The following CCDC148 variants were observed in gnomAD, a reference collection of about 807,000 sequenced individuals.
The protein encoded by CCDC148 is coiled-coil domain-containing protein 148.
Under a neutral mutation model 85.7 loss-of-function variants are expected in CCDC148, and 89 were observed. That is an observed-to-expected ratio of 1.04 (90% CI 0.87 to 1.24). The LOEUF is 1.24. Among genes scored for constraint, CCDC148 ranks in the 50% most tolerant of loss-of-function variants. The probability of loss-of-function intolerance (pLI) is 0.00; values close to 1 mark genes in which losing one functional copy is unlikely to be tolerated. For missense variants in CCDC148, 692 were observed against 671.7 expected (o/e 1.03, Z -0.33); for synonymous variants, 230 against 213.9 (o/e 1.08, Z -0.66).
chr2:158,241,590 A>G (rs1688353251), intron 10 of CCDC148, among the ~76,000 whole-genome samples: 1 of 152,176 alleles, frequency 6.6e-6, no homozygotes, highest in Non-Finnish European at 1.5e-5. Context: ...TTATTGAACA[A>G]GCAAATGAAT....
At chr2:158,246,162 T>C (rs149459081) in intron 10 of CCDC148, among the ~76,000 whole-genome samples, 7 of 152,258 alleles carry the variant, frequency 4.6e-5, no homozygotes, top group African/African-American at 1.7e-4. Flanking sequence ...CTGCCTCTAC[T>C]GCCAGTCCCT....
intron 7 of CCDC148, among the ~76,000 whole-genome samples, chr2:158,315,029 CCTAT>C (rs1692215383): frequency 1.3e-5 from 2 of 151,976 alleles, no homozygotes; most frequent in Non-Finnish European, 2.9e-5. Flanking sequence ...AGAAAAAAGT[CCTAT>C]CTGTTTCATA....
chr2:158,419,042 T>G (rs1420188145), intron 1 of CCDC148, among the ~76,000 whole-genome samples: 1 of 152,158 alleles, frequency 6.6e-6, no homozygotes, highest in Non-Finnish European at 1.5e-5. Flanking sequence ...CCCAAATGTG[T>G]GCCAGGAGTA....
chr2:158,278,625 A>G (rs552633460), intron 9 of CCDC148, among the ~76,000 whole-genome samples: 37 of 152,338 alleles, frequency 2.4e-4, no homozygotes, highest in African/African-American at 8.9e-4. Context: ...GAAGCCTCAA[A>G]GCTACAACTG....
intron 1 of CCDC148, among the ~76,000 whole-genome samples, chr2:158,438,454 C>CA (rs1269001668): frequency 6.6e-6 from 1 of 152,218 alleles, no homozygotes; most frequent in Admixed American, 6.5e-5. Flanking sequence ...CCCTTCCTTA[C>CA]ACCTTACACA....
chr2:158,426,804 T>C (rs1392045040), intron 1 of CCDC148, among the ~76,000 whole-genome samples: 1 of 152,202 alleles, frequency 6.6e-6, no homozygotes, highest in Non-Finnish European at 1.5e-5. Flanking sequence ...GCTATAAAGT[T>C]ACAATGCTCT....
chr2:158,337,376 C>A (rs1682443223), intron 7 of CCDC148, among the ~76,000 whole-genome samples: 1 of 152,046 alleles, frequency 6.6e-6, no homozygotes, highest in Admixed American at 6.6e-5. Context: ...CCCTACCAAA[C>A]AAAAAATCCT....
chr2:158,372,065 A>T (rs186277655), intron 1 of CCDC148, among the ~76,000 whole-genome samples: 75 of 152,114 alleles, frequency 4.9e-4, no homozygotes, highest in African/African-American at 1.7e-3. Context: ...ACAACCTAAA[A>T]GGGCCCAGTT....
At chr2:158,174,184 C>T (rs965020307) in intron 13 of CCDC148, among the ~76,000 whole-genome samples, 4 of 151,998 alleles carry the variant, frequency 2.6e-5, no homozygotes, top group Non-Finnish European at 4.4e-5. Flanking sequence ...ATCTCTAATG[C>T]TCACAAGGAC....
intron 10 of CCDC148, among the ~76,000 whole-genome samples, chr2:158,229,806 G>A: frequency 6.6e-6 from 1 of 151,996 alleles, no homozygotes; most frequent in Middle Eastern, 3.2e-3. Context: ...TTCTCACATG[G>A]AATTAAACAT....
At chr2:158,427,785 A>G (rs1687144153) in intron 1 of CCDC148, among the ~76,000 whole-genome samples, 1 of 152,130 alleles carries the variant, frequency 6.6e-6, no homozygotes, top group Admixed American at 6.5e-5. Context: ...GTAGGAAGAC[A>G]GCTTGAGCTG....
Position 158,353,834 on chromosome 2 carries a change from T to A in CCDC148, c.147+4615A>T, listed in dbSNP as rs975049719. Among the ~76,000 whole-genome samples, 10 of 151,874 alleles carry A rather than the reference T, an allele frequency of 6.6e-5. No individual in the cohort carries two copies. The South Asian group carries it at 1.5e-3, about 22-fold the overall frequency. ...TTGACCATATAGTTGGAAGTAAAGCTCTCCTCAGCAAATGTAAAAGAACAG... is the reference window on the plus strand; with the variant it reads ...TTGACCATATAGTTGGAAGTAAAGCACTCCTCAGCAAATGTAAAAGAACAG... On this transcript the variant is annotated intron_variant, in intron 2 of 13. Coordinates refer to ENST00000283233, the MANE Select transcript of CCDC148 (RefSeq NM_138803.4).
chr2:158,323,269 T>C (rs1192382364), intron 7 of CCDC148, among the ~76,000 whole-genome samples: 1 of 152,190 alleles, frequency 6.6e-6, no homozygotes, highest in African/African-American at 2.4e-5. Context: ...TTAAGATGTG[T>C]TCTAAATATA....
At chr2:158,226,634 T>A (rs1415527656) in intron 10 of CCDC148, among the ~76,000 whole-genome samples, 2 of 152,190 alleles carry the variant, frequency 1.3e-5, no homozygotes, top group African/African-American at 4.8e-5. Flanking sequence ...ATCCCTGGGA[T>A]GCAAGGCTGG....
At chr2:158,357,592 C>T (rs1683727988) in intron 2 of CCDC148, among the ~76,000 whole-genome samples, 1 of 152,170 alleles carries the variant, frequency 6.6e-6, no homozygotes, top group African/African-American at 2.4e-5. Context: ...GTTCCCATAA[C>T]ATTAACTTAT....
chr2:158,272,573 C>G (rs536388478), intron 9 of CCDC148, among the ~76,000 whole-genome samples: 1 of 152,108 alleles, frequency 6.6e-6, no homozygotes, highest in East Asian at 1.9e-4. Flanking sequence ...AGACTCAGAC[C>G]TTTTGATGAA....
At chr2:158,185,601 A>C (rs1277334112) in intron 11 of CCDC148, among the ~76,000 whole-genome samples, 2 of 152,110 alleles carry the variant, frequency 1.3e-5, no homozygotes, top group East Asian at 3.9e-4. Context: ...AAGGACTTCA[A>C]TCTGGGAGTC....
At chr2:158,263,717 G>A (rs1689336011) in intron 9 of CCDC148, among the ~76,000 whole-genome samples, 1 of 151,870 alleles carries the variant, frequency 6.6e-6, no homozygotes, top group Non-Finnish European at 1.5e-5. Flanking sequence ...CTTATCTTGG[G>A]CTGTGCTTAA....
intron 1 of CCDC148, among the ~76,000 whole-genome samples, chr2:158,397,395 A>G (rs1685569285): frequency 6.6e-6 from 1 of 152,166 alleles, no homozygotes; most frequent in South Asian, 2.1e-4. Context: ...CGGGTTACCC[A>G]CAAAGGGAAG....
Sources: allele counts gnomAD v4.1 joint callset (sites outside exome capture counted in the v4.1 genomes callset), GRCh38; gene constraint gnomAD v4.1.1; transcripts MANE v1.5; gene names NCBI Gene and HGNC (gene_info 2026-07-23, HGNC 2026-07-21).